The following CNTN5 variants were observed in gnomAD, a reference collection of about 807,000 sequenced individuals.
The protein encoded by CNTN5 is contactin-5.
In CNTN5, 77 loss-of-function variants were observed where a neutral mutation model predicts 129.1. The observed-to-expected ratio is 0.60, with a 90% CI of 0.50 to 0.72. The LOEUF (loss-of-function observed/expected upper bound fraction) is 0.72. CNTN5 is among the 30% of genes least tolerant of loss of function. The pLI, the probability that CNTN5 is intolerant of heterozygous loss-of-function variation, is 0.00. For missense variants in CNTN5, 1,478 were observed against 1,328.8 expected (o/e 1.11, Z -1.75); for synonymous variants, 509 against 465.6 (o/e 1.09, Z -1.20).
At chr11:99,890,180 G>C (rs574891626) in intron 6 of CNTN5, among the ~76,000 whole-genome samples, 116 of 152,290 alleles carry the variant, frequency 7.6e-4, no homozygotes, top group African/African-American at 2.8e-3. Context: ...ATGTATGAAA[G>C]TTCTCAGAAA....
chr11:100,072,186 GC>G (rs1446488287), intron 12 of CNTN5, among the ~76,000 whole-genome samples: 2 of 152,150 alleles, frequency 1.3e-5, no homozygotes, highest in African/African-American at 4.8e-5. Context: ...AATTCCAGCA[GC>G]CTGTCCATGC....
intron 2 of CNTN5, among the ~76,000 whole-genome samples, chr11:99,363,204 T>C (rs1160417762): frequency 6.6e-6 from 1 of 152,146 alleles, no homozygotes; most frequent in East Asian, 1.9e-4. Context: ...CAATATTTTA[T>C]AATTTTAGAA....
intron 1 of CNTN5, among the ~76,000 whole-genome samples, chr11:99,130,506 G>A (rs71474509): frequency 6.6e-6 from 1 of 151,990 alleles, no homozygotes; most frequent in African/African-American, 2.4e-5. Flanking sequence ...ACCCCCACAC[G>A]ATAATAGTGG....
chr11:99,832,696 A>G (rs1947181176), intron 4 of CNTN5, among the ~76,000 whole-genome samples: 1 of 152,222 alleles, frequency 6.6e-6, no homozygotes, highest in Non-Finnish European at 1.5e-5. Flanking sequence ...ATGTCATCAT[A>G]AAATATAATT....
chr11:99,670,478 A>T (rs1189290045), intron 3 of CNTN5, among the ~76,000 whole-genome samples: 1 of 152,172 alleles, frequency 6.6e-6, no homozygotes, highest in Non-Finnish European at 1.5e-5. Context: ...CTAATCTGAC[A>T]TTCACACTGC....
chr11:99,611,417 A>G (rs1303340062), intron 3 of CNTN5, among the ~76,000 whole-genome samples: 1 of 152,216 alleles, frequency 6.6e-6, no homozygotes, highest in Non-Finnish European at 1.5e-5. Context: ...AGGGAGATAA[A>G]TCTTACTAAA....
intron 3 of CNTN5, among the ~76,000 whole-genome samples, chr11:99,729,316 T>A (rs1943451213): frequency 6.6e-6 from 1 of 152,066 alleles, no homozygotes; most frequent in Non-Finnish European, 1.5e-5. Context: ...TTTTTACCTT[T>A]AGGTTTGTGG....
chr11:99,556,465 A>G (rs1488245455), intron 3 of CNTN5, among the ~76,000 whole-genome samples, 196 bp downstream of exon 3: 1 of 149,078 alleles, frequency 6.7e-6, no homozygotes, highest in African/African-American at 2.4e-5. Flanking sequence ...TTAATATAAT[A>G]AGGTACACTA....
chr11:99,230,248 A>G (rs1223549647), intron 1 of CNTN5, among the ~76,000 whole-genome samples: 1 of 152,094 alleles, frequency 6.6e-6, no homozygotes, highest in African/African-American at 2.4e-5. Flanking sequence ...TGCTTGCTCC[A>G]ATGATAACAA....
At chr11:99,343,834 A>G (rs1196463005) in intron 2 of CNTN5, among the ~76,000 whole-genome samples, 2 of 152,218 alleles carry the variant, frequency 1.3e-5, no homozygotes, top group Non-Finnish European at 2.9e-5. Flanking sequence ...GTTAGAGGTG[A>G]CAATGAAACA....
intron 9 of CNTN5, among the ~76,000 whole-genome samples, chr11:100,042,816 A>C (rs112195233): frequency 8.1e-4 from 124 of 152,306 alleles, no homozygotes; most frequent in African/African-American, 2.5e-3. Flanking sequence ...TTTTGAGCCA[A>C]ATGAATAGCA....
At chr11:99,662,320 A>G (rs1952623546) in intron 3 of CNTN5, among the ~76,000 whole-genome samples, 2 of 152,206 alleles carry the variant, frequency 1.3e-5, no homozygotes, top group Admixed American at 6.5e-5. Context: ...ATATGCTACA[A>G]TAATCGACAT....
intron 3 of CNTN5, among the ~76,000 whole-genome samples, chr11:99,643,443 G>C (rs1951841318): frequency 1.3e-5 from 2 of 151,936 alleles, no homozygotes; most frequent in Non-Finnish European, 2.9e-5. Flanking sequence ...TATTATTCTG[G>C]AAACTCTTCT....
intron 3 of CNTN5, among the ~76,000 whole-genome samples, chr11:99,753,964 A>G (rs1944324726): frequency 6.7e-6 from 1 of 149,516 alleles, no homozygotes; most frequent in Non-Finnish European, 1.5e-5. Context: ...CTGGGATTAC[A>G]GGCCTGAGCC....
chr11:99,021,547 C>A (rs1298856863), intron 1 of CNTN5, among the ~76,000 whole-genome samples: 2 of 152,082 alleles, frequency 1.3e-5, no homozygotes, highest in African/African-American at 4.8e-5. Context: ...GTAAGCAATT[C>A]CTACACGCAA....
intron 2 of CNTN5, among the ~76,000 whole-genome samples, chr11:99,367,261 T>C (rs768745999): frequency 1.1e-4 from 16 of 152,158 alleles, no homozygotes; most frequent in Non-Finnish European, 1.9e-4. Flanking sequence ...TTCATAATTA[T>C]GCTGGAAAGT....
intron 9 of CNTN5, among the ~76,000 whole-genome samples, chr11:100,021,208 T>C (rs918565534): frequency 6.6e-6 from 1 of 152,184 alleles, no homozygotes; most frequent in African/African-American, 2.4e-5. Flanking sequence ...ACTCTTTAAA[T>C]GTATTGAGAC....
chr11:100,185,986 C>T (rs529004414), intron 13 of CNTN5, among the ~76,000 whole-genome samples: 5 of 152,246 alleles, frequency 3.3e-5, no homozygotes, highest in South Asian at 2.1e-4. Flanking sequence ...GGTAAACAGA[C>T]GGTACTTCCA....
rs555406362 is a variant in CNTN5 at position 99,173,826 on chromosome 11, A to C, written c.-209-151520A>C. Among the ~76,000 whole-genome samples, 11 of 152,320 alleles carry C rather than the reference A, an allele frequency of 7.2e-5. No individual in the cohort carries two copies. The South Asian group carries it at 2.3e-3, about 32-fold the overall frequency. ...TATTTAATGGAGCCATCAAAGCCTGAATATCAGTTATTAGGCTATTATGGC... is the reference window on the plus strand; with the variant it reads ...TATTTAATGGAGCCATCAAAGCCTGCATATCAGTTATTAGGCTATTATGGC... On this transcript the variant is annotated intron_variant, in intron 1 of 24. Transcript: ENST00000524871.
Sources: gnomAD v4.1 joint callset for allele counts (sites outside exome capture counted in the v4.1 genomes callset) on GRCh38, gnomAD v4.1.1 for gene constraint, MANE v1.5 for transcripts, NCBI Gene and HGNC (gene_info 2026-07-23, HGNC 2026-07-21) for gene names.